Variants in PUSL1 observed in about 807,000 individuals in gnomAD.
PUSL1 encodes tRNA pseudouridine synthase-like 1.
Under a neutral mutation model 30.7 loss-of-function variants are expected in PUSL1, and 51 were observed. The ratio of observed to expected loss-of-function variants is 1.66; its 90% CI spans 1.33 to 2.10. The LOEUF (loss-of-function observed/expected upper bound fraction) is 2.10. Ranked by LOEUF, PUSL1 falls within the 30% of genes most tolerant of loss-of-function variation. The pLI, the probability that PUSL1 is intolerant of heterozygous loss-of-function variation, is 0.00. For missense variants in PUSL1, 609 were observed against 427.6 expected (o/e 1.42, Z -3.74); for synonymous variants, 290 against 192.1 (o/e 1.51, Z -4.21).
At chr1:1,310,109 C>T in intron 5 of PUSL1, 2 of 508,060 alleles carry the variant, frequency 3.9e-6, no homozygotes, top group Non-Finnish European at 7.0e-6. Context: ...AGAATGTTGG[C>T]AGCTACTGGA....
Position 1,309,846 on chromosome 1 carries a change from G to T in PUSL1, c.639G>T (p.Glu213Asp). The change falls in exon 5 of 8, where the codon GAG becomes GAT. Residue 213 changes from glutamate to aspartate, a missense_variant. Coordinates refer to ENST00000379031, the MANE Select transcript of PUSL1 (RefSeq NM_153339.3). ...GQASPLVTPE[E>D]SRKLRFWNLE... ...CCAGCCCCTTGGTCACCCCCGAGGA[G>T]AGCAGGTGAGGAAGGGCCCCTGGGC... The T allele has an allele frequency of 6.6e-7, 1 of 1,516,164 alleles. No individual in the cohort carries two copies. The highest frequency in any genetic ancestry group is 8.9e-7 in the Non-Finnish European group (1 of 1,125,432). The allele number at this position is 1,516,164 out of a possible 1,614,324, so 93.9% of individuals were successfully genotyped here. A position where few individuals can be genotyped will look rare whatever the true frequency, so the allele number is the denominator to read the frequency against.
At chr1:1,310,591 C>A in intron 5 of PUSL1, 43 bp from the exon 6 acceptor site, 2 of 1,442,910 alleles carry the variant, frequency 1.4e-6, no homozygotes, top group Non-Finnish European at 1.9e-6. Context: ...CTGAGGATGG[C>A]AAACACTGCC....
At chr1:1,310,550 G>A (rs1446686632) in intron 5 of PUSL1, 84 bp from the exon 6 acceptor site, 11 of 1,118,338 alleles carry the variant, frequency 9.8e-6, no homozygotes, top group South Asian at 7.4e-5. Flanking sequence ...GGCCCACCCT[G>A]TCACTCTCCC....
In PUSL1 at chr1:1,311,025, C is replaced by G. The variant is rs758015985; in HGVS notation, c.816C>G (p.Ala272=). 3 of 1,612,416 alleles carry G rather than the reference C, an allele frequency of 1.9e-6. No individual in the cohort carries two copies. Among genetic ancestry groups the G allele is most frequent in the African/African-American group, 2.7e-5 (2 of 74,886 alleles). ...TGGGCAAGCACCAGACACGTGTAGC[C>G]CCAGCCCACGGCTTATTCCTCAAGT... ...DPLGKHQTRV[A]PAHGLFLKSV... The change falls in exon 7 of 8, where the codon GCC becomes GCG. Residue 272 remains alanine, a synonymous_variant. Coordinates refer to ENST00000379031, the MANE Select transcript of PUSL1 (RefSeq NM_153339.3).
rs774264726 is a variant in PUSL1, at chr1:1,309,444, G to A, written c.324-10G>A. On this transcript the variant is annotated splice_polypyrimidine_tract_variant and intron_variant, in intron 3 of 7. Transcript: ENST00000379031. Reference sequence around the variant, plus strand: ...GTCGTTCCTCCGGTGAGCTTTACCTGCCGCCATAGGGTCCTGCGGGCCTTC... The same window carrying A: ...GTCGTTCCTCCGGTGAGCTTTACCTACCGCCATAGGGTCCTGCGGGCCTTC... 1 of 1,589,238 alleles carries A rather than the reference G, an allele frequency of 6.3e-7. No homozygotes were observed. The highest frequency in any genetic ancestry group is 1.1e-5 in the South Asian group (1 of 88,668).
chr1:1,309,471 G>A lies in PUSL1; in HGVS notation c.341G>A (p.Arg114Gln), dbSNP rs548120262. The A allele has an allele frequency of 1.2e-6, 2 of 1,604,944 alleles. No individual in the cohort carries two copies. The highest frequency in any genetic ancestry group is 1.3e-5 in the African/African-American group (1 of 74,864). The change falls in exon 4 of 8, where the codon CGA becomes CAA. Residue 114 changes from arginine (R) to glutamine (Q), a missense_variant. Coordinates refer to ENST00000379031, the MANE Select transcript of PUSL1 (RefSeq NM_153339.3). ...CGCCATAGGGTCCTGCGGGCCTTCC[G>A]AGTGCCCAGCGACTTCCACGCTCGT... ...HPAIRVLRAF[R>Q]VPSDFHARHA...
intron 5 of PUSL1, chr1:1,310,365 C>T (rs920937984): frequency 2.0e-6 from 1 of 488,822 alleles, no homozygotes; most frequent in African/African-American, 1.9e-5. Context: ...AGGTGAGGGC[C>T]CAGGGCAAGC....
At chr1:1,310,227 T>TG (rs1642046910) in intron 5 of PUSL1, 2 of 342,106 alleles carry the variant, frequency 5.8e-6, no homozygotes, top group African/African-American at 4.2e-5. Flanking sequence ...CCTCCCCTAT[T>TG]GGGGTGAGCC....
Position 1,311,581 on chromosome 1 carries a change from AG to A in PUSL1, c.*203del. Reference sequence around the variant, plus strand: ...GTGCAGGACACAGCCATGTACACCAAGAAGAGAGTACCAAGTAGTCTTTTGT... The same window carrying A: ...GTGCAGGACACAGCCATGTACACCAAAAGAGAGTACCAAGTAGTCTTTTGT... On this transcript the variant is annotated 3_prime_UTR_variant, in exon 8 of 8. Transcript: ENST00000379031. 1 of 722,390 alleles carries A rather than the reference AG, an allele frequency of 1.4e-6. No individual in the cohort carries two copies. Among genetic ancestry groups the A allele is most frequent in the Middle Eastern group, 2.3e-4 (1 of 4,406 alleles). 44.7% of individuals were successfully genotyped at this position (722,390 alleles called of 1,614,324 possible).
Position 1,311,091 on chromosome 1 carries a change from G to A in PUSL1, c.862+20G>A, listed in dbSNP as rs1642115454. The A allele has an allele frequency of 6.3e-6, 10 of 1,585,040 alleles. No individual in the cohort carries two copies. The highest frequency in any genetic ancestry group is 1.7e-4 in the Middle Eastern group (1 of 5,960). On this transcript the variant is annotated intron_variant, in intron 7 of 7. Transcript: ENST00000379031. ...ACCTCGGTAAGAAAAACAGGCACGA[G>A]AAGCTCCTGTCATGTGCCCAGTGAC... is the stretch of plus-strand genomic sequence containing the variant.
At chr1:1,310,528 G>C (rs972691848) in intron 5 of PUSL1, 106 bp from the exon 6 acceptor site, 1 of 896,006 alleles carries the variant, frequency 1.1e-6, no homozygotes, top group African/African-American at 1.7e-5. Context: ...GTGGGAACCA[G>C]GCTCGTCTTT....
intron 6 of PUSL1, 28 bp from the exon 7 acceptor site, chr1:1,310,864 GTGGGTCACGGGCGGCTC>G (rs769326814): frequency 2.6e-5 from 41 of 1,605,658 alleles, no homozygotes; most frequent in African/African-American, 4.2e-5. Flanking sequence ...GGCTGTGCTG[GTGGGTCACGGGCGGCTC>G]TGGGTCACAG....
At position 1,309,150 on chromosome 1, in the gene PUSL1, C is replaced by G; in HGVS notation, c.200C>G (p.Ala67Gly). Reference protein sequence around the residue: ...VRFTISSRTDAGVHALSNAAH... With the variant: ...VRFTISSRTDGGVHALSNAAH... ...TTCACCATCTCCAGCCGCACGGACG[C>G]CGGGGTCCACGCCCTGAGCAACGCG... Residue 67 changes from alanine (A) to glycine (G), a missense_variant, in exon 3 of 8, where the codon GCC (alanine) becomes GGC (glycine). Transcript: ENST00000379031. The G allele has an allele frequency of 1.3e-6, 2 of 1,531,918 alleles. No individual in the cohort carries two copies. Among genetic ancestry groups the G allele is most frequent in the Non-Finnish European group, 1.7e-6 (2 of 1,147,434 alleles). The allele number at this position is 1,531,918 out of a possible 1,614,324, so 94.9% of individuals were successfully genotyped here.
In PUSL1 at chr1:1,310,649, G is replaced by A. The variant is rs976541633; in HGVS notation, c.660G>A (p.Trp220Ter). 1.9e-6 allele frequency: 3 copies of A among 1,581,268 alleles called. No individual in the cohort carries two copies. The highest frequency in any genetic ancestry group is 1.8e-5 in the Admixed American group (1 of 56,698). The change falls in exon 6 of 8, where the codon TGG becomes TGA. Residue 220 changes from tryptophan (W) to a stop codon, truncating the protein, a stop_gained. Transcript: ENST00000379031. LOFTEE classifies it high-confidence loss of function. ...ATTTTTCCAGGAAGCTGCGGTTCTG[G>A]AACCTGGAGTTTGAGAGCCAGTCTT... ...TPEESRKLRF[W>*]NLEFESQSFL...
At position 1,309,907 on chromosome 1, in the gene PUSL1, C is replaced by T. The variant is rs539545182; in HGVS notation, c.644+56C>T. Reference sequence around the variant, plus strand: ...CCCTCAAGTCACGTGCTGATTTTAGCTCCAGCACCTCCCCCAGTTTTAAGG... The same window carrying T: ...CCCTCAAGTCACGTGCTGATTTTAGTTCCAGCACCTCCCCCAGTTTTAAGG... On this transcript the variant is annotated intron_variant, in intron 5 of 7. Coordinates refer to ENST00000379031, the MANE Select transcript of PUSL1 (RefSeq NM_153339.3). 15 of 1,320,518 alleles carry T rather than the reference C, an allele frequency of 1.1e-5. No homozygotes were observed. In the Admixed American group the frequency reaches 1.4e-4, roughly 12 times the overall value. The allele number at this position is 1,320,518 out of a possible 1,614,324, so 81.8% of individuals were successfully genotyped here. A position where few individuals can be genotyped will look rare whatever the true frequency, so the allele number is the denominator to read the frequency against.
rs1305907595 is a variant in PUSL1 at position 1,309,667 on chromosome 1, C to T, written c.474-14C>T. ...CCGGCCCCACCCTCCTGACGGTCAC[C>T]CTGGTCCCTGAAGCTGCCTGGATAT... On this transcript the variant is annotated splice_polypyrimidine_tract_variant and intron_variant, in intron 4 of 7. Transcript: ENST00000379031. The T allele has an allele frequency of 1.3e-6, 2 of 1,596,430 alleles. No individual in the cohort carries two copies. Among genetic ancestry groups the T allele is most frequent in the Non-Finnish European group, 8.6e-7 (1 of 1,167,574 alleles).
chr1:1,310,345 C>A, intron 5 of PUSL1: 1 of 450,578 alleles, frequency 2.2e-6, no homozygotes. Flanking sequence ...AGACCCTGCA[C>A]CAGGACCCTA....
intron 5 of PUSL1, 33 bp from the exon 6 acceptor site, chr1:1,310,601 C>T (rs1280893876): frequency 2.7e-6 from 4 of 1,488,228 alleles, no homozygotes; most frequent in Non-Finnish European, 3.7e-6. Flanking sequence ...CAAACACTGC[C>T]CCACAGACAC....
At position 1,310,946 on chromosome 1, in the gene PUSL1, TG is replaced by T; in HGVS notation, c.742del (p.Ala248LeufsTer7). 1 of 1,604,838 alleles carries T rather than the reference TG, an allele frequency of 6.2e-7. No individual in the cohort carries two copies. The highest frequency in any genetic ancestry group is 1.1e-5 in the South Asian group (1 of 91,046). On this transcript the variant is annotated frameshift_variant, in exon 7 of 8. Transcript: ENST00000379031. LOFTEE classifies it high-confidence loss of function. ...RMTAVLVAVG[L>X]GALAPAQVKT... ...ACGGCTGTGCTGGTGGCCGTGGGGC[TG>T]GGGGCTTTGGCACCTGCCCAGGTGA... is the stretch of plus-strand genomic sequence containing the variant.
Sources: allele counts gnomAD v4.1 joint callset, GRCh38; gene constraint gnomAD v4.1.1; transcripts MANE v1.5; gene names NCBI Gene and HGNC (gene_info 2026-07-23, HGNC 2026-07-21).